The following OSTM1 variants were observed in gnomAD, a reference collection of about 807,000 sequenced individuals.
The protein encoded by OSTM1 is osteopetrosis-associated transmembrane protein 1.
In OSTM1, 26 loss-of-function variants were observed where a neutral mutation model predicts 35.4. That is an observed-to-expected ratio of 0.73 (90% CI 0.54 to 1.02). OSTM1 has a LOEUF of 1.02. Ranked by LOEUF, OSTM1 falls within the 50% of genes least tolerant of loss-of-function variation. OSTM1 has a pLI of 0.00. For synonymous variants in OSTM1, 181 were observed against 165.0 expected, an observed-to-expected ratio of 1.10 and a Z score of -0.75; for missense variants, 366 against 409.6, an observed-to-expected ratio of 0.89 and a Z score of 0.92.
intron 3 of OSTM1, among the ~76,000 whole-genome samples, chr6:108,053,306 A>C (rs913873846): frequency 1.3e-5 from 2 of 152,216 alleles, no homozygotes; most frequent in Non-Finnish European, 2.9e-5. Context: ...CAGGTAACTG[A>C]AACTGTGGAA....
chr6:108,074,595 C>T lies in OSTM1; in HGVS notation c.57G>A (p.Pro19=). 2 of 1,564,432 alleles carry T rather than the reference C, an allele frequency of 1.3e-6. No individual in the cohort carries two copies. Among genetic ancestry groups the T allele is most frequent in the Admixed American group, 1.8e-5 (1 of 54,814 alleles). The part of the protein sequence containing the change: ...QRRCSLPPWL[P]LGLLLWSGLA... ...GCCCCGACCACAGCAGCAGCCCCAG[C>T]GGCAGCCACGGCGGCAACGAACACC... is the stretch of plus-strand genomic sequence containing the variant. The change falls in exon 1 of 6, where the codon CCG becomes CCA. Residue 19 remains proline (P), a synonymous_variant. Transcript: ENST00000193322.
intron 5 of OSTM1, among the ~76,000 whole-genome samples, 192 bp downstream of exon 5, chr6:108,049,060 CT>C: frequency 6.6e-6 from 1 of 152,112 alleles, no homozygotes; most frequent in Admixed American, 6.6e-5. Context: ...CCTGTTTTAA[CT>C]TTTTATTGTC....
intron 4 of OSTM1, among the ~76,000 whole-genome samples, chr6:108,050,647 C>T (rs1028384984): frequency 6.6e-6 from 1 of 152,128 alleles, no homozygotes; most frequent in Non-Finnish European, 1.5e-5. Flanking sequence ...CAGGTGTAGT[C>T]ACCGTGCCCA....
intron 5 of OSTM1, among the ~76,000 whole-genome samples, chr6:108,047,177 G>T (rs953899000): frequency 3.9e-5 from 6 of 152,230 alleles, no homozygotes; most frequent in Admixed American, 6.5e-5. Context: ...CAAATGGAGA[G>T]GTGTATTCTT....
intron 4 of OSTM1, among the ~76,000 whole-genome samples, chr6:108,050,012 T>G (rs1309512718): frequency 3.3e-5 from 5 of 152,168 alleles, no homozygotes; most frequent in Non-Finnish European, 5.9e-5. Flanking sequence ...GCCCCAAAAC[T>G]CCAGCATCAT....
In OSTM1 at chr6:108,043,630, G is replaced by A. The variant is rs192232328; in HGVS notation, c.*1155C>T. ...ACTGTGAACAATTCTGAAACGGAGTGTTTTTTCTAAAGGCTAATACAAACA... is the reference window on the plus strand; with the variant it reads ...ACTGTGAACAATTCTGAAACGGAGTATTTTTTCTAAAGGCTAATACAAACA... On this transcript the variant is annotated 3_prime_UTR_variant, in exon 6 of 6. Transcript: ENST00000193322. The A allele has an allele frequency of 1.3e-5, 2 of 152,126 alleles. No homozygotes were observed. Among genetic ancestry groups the A allele is most frequent in the Non-Finnish European group, 2.9e-5 (2 of 68,008 alleles). 9.4% of individuals were successfully genotyped at this position (152,126 alleles called of 1,614,324 possible).
rs183438062 is a variant in OSTM1 at position 108,058,514 on chromosome 6, C to T, written c.518-3927G>A. On this transcript the variant is annotated intron_variant, in intron 2 of 5. Coordinates refer to ENST00000193322, the MANE Select transcript of OSTM1 (RefSeq NM_014028.4). ...TGGGAAAGAAAGGTTTTGGGCCGGG[C>T]GCAGTGGCTCACGCCTGTAATCCCA... Among the ~76,000 whole-genome samples the T allele has an allele frequency of 5.9e-5, 9 of 152,338 alleles. No homozygotes were observed. In the East Asian group the frequency reaches 1.5e-3, roughly 26 times the overall value.
At chr6:108,071,885 T>A (rs1772492667) in intron 1 of OSTM1, among the ~76,000 whole-genome samples, 1 of 152,140 alleles carries the variant, frequency 6.6e-6, no homozygotes, top group African/African-American at 2.4e-5. Context: ...GCTGGTAGAA[T>A]CTGAGGGAAA....
In OSTM1 at chr6:108,057,054, A is replaced by G. The variant is rs549016979; in HGVS notation, c.518-2467T>C. Reference sequence around the variant, plus strand: ...GACCAGCCTGGGCAACATGGTGAAAACCTGTCTCTACAAATAATACAAAAT... The same window carrying G: ...GACCAGCCTGGGCAACATGGTGAAAGCCTGTCTCTACAAATAATACAAAAT... On this transcript the variant is annotated intron_variant, in intron 2 of 5. Transcript: ENST00000193322. Among the ~76,000 whole-genome samples the G allele has an allele frequency of 3.3e-5, 5 of 152,130 alleles. No homozygotes were observed. The East Asian group carries it at 7.7e-4, about 24-fold the overall frequency.
In OSTM1 at chr6:108,058,044, C is replaced by CTTT. The variant is rs761751778; in HGVS notation, c.518-3460_518-3458dup. On this transcript the variant is annotated intron_variant, in intron 2 of 5. Coordinates refer to ENST00000193322, the MANE Select transcript of OSTM1 (RefSeq NM_014028.4). Reference sequence around the variant, plus strand: ...CTCAGGCATCAGCTTAAGAGTCAATCTTTTTTTTTTTTTTTTTTTTTCTGA... The same window carrying CTTT: ...CTCAGGCATCAGCTTAAGAGTCAATCTTTTTTTTTTTTTTTTTTTTTTTTCTGA... 8.9e-3 allele frequency among the ~76,000 whole-genome samples: 1,085 copies of CTTT among 121,520 alleles called. 16 individuals are homozygous for CTTT. The highest frequency in any genetic ancestry group is 0.022 in the African/African-American group (681 of 31,356). 79.7% of individuals were successfully genotyped at this position (121,520 alleles called of 152,430 possible).
At chr6:108,061,203 A>C (rs1470072486) in intron 2 of OSTM1, among the ~76,000 whole-genome samples, 1 of 152,146 alleles carries the variant, frequency 6.6e-6, no homozygotes, top group Non-Finnish European at 1.5e-5. Flanking sequence ...GTCAGTATTC[A>C]ATATACCATA....
rs139650196 is a variant in OSTM1 at position 108,042,142 on chromosome 6, CT to C, written c.*2642del. 1.9e-3 allele frequency: 289 copies of C among 151,324 alleles called. 2 individuals are homozygous for C. Among genetic ancestry groups the C allele is most frequent in the African/African-American group, 6.7e-3 (278 of 41,300 alleles). 9.4% of individuals were successfully genotyped at this position (151,324 alleles called of 1,614,324 possible). A position where few individuals can be genotyped will look rare whatever the true frequency, so the allele number is the denominator to read the frequency against. ...GACTCTGGGCTACACTTTAAAATATCTGATGTTCAGCCAGGTGTGGTGCTTA... is the reference window on the plus strand; with the variant it reads ...GACTCTGGGCTACACTTTAAAATATCGATGTTCAGCCAGGTGTGGTGCTTA... On this transcript the variant is annotated 3_prime_UTR_variant, in exon 6 of 6. Transcript: ENST00000193322.
At chr6:108,065,790 A>G (rs1006920850) in intron 1 of OSTM1, among the ~76,000 whole-genome samples, 7 of 152,306 alleles carry the variant, frequency 4.6e-5, no homozygotes, top group African/African-American at 1.2e-4. Flanking sequence ...GTTTAGTTGG[A>G]TAAGTGTCAT....
chr6:108,073,415 A>C (rs922589331), intron 1 of OSTM1, among the ~76,000 whole-genome samples: 1 of 152,186 alleles, frequency 6.6e-6, no homozygotes, highest in African/African-American at 2.4e-5. Flanking sequence ...TAGGAGCAGG[A>C]ATTGTCTGTT....
chr6:108,066,463 A>G (rs1772378723), intron 1 of OSTM1, among the ~76,000 whole-genome samples: 1 of 152,210 alleles, frequency 6.6e-6, no homozygotes, highest in Admixed American at 6.5e-5. Context: ...GAGAAGGAAG[A>G]ATTGGAGAGA....
intron 1 of OSTM1, among the ~76,000 whole-genome samples, chr6:108,065,115 T>A (rs1772354036): frequency 6.6e-6 from 1 of 151,936 alleles, no homozygotes; most frequent in Non-Finnish European, 1.5e-5. Context: ...CACCTCGGCC[T>A]CCCAAAGTGC....
At chr6:108,048,749 CTTTTTTT>C (rs575605197) in intron 5 of OSTM1, among the ~76,000 whole-genome samples, 5 of 111,778 alleles carry the variant, frequency 4.5e-5, no homozygotes, top group Admixed American at 1.9e-4. Flanking sequence ...TGTGTTTTAA[CTTTTTTT>C]TTTTTTTTTT....
At chr6:108,048,425 T>C (rs923686437) in intron 5 of OSTM1, among the ~76,000 whole-genome samples, 2 of 152,246 alleles carry the variant, frequency 1.3e-5, no homozygotes, top group African/African-American at 2.4e-5. Context: ...GTGCTTCTTT[T>C]GCTCTGGCCT....
rs1448805571 is a variant in OSTM1, at chr6:108,074,510, A to C, written c.142T>G (p.Ser48Ala). The change falls in exon 1 of 6, where the codon TCG becomes GCG. Residue 48 changes from serine (S) to alanine (A), a missense_variant. Ser to Ala is a moderately conservative substitution (Grantham distance 99). This residue lies in a region of OSTM1 where 236 missense variants were observed against 239.3 expected (regional missense o/e 0.99). Transcript: ENST00000193322. ...TCCACCTCCAGCAACTGCTGCTCCG[A>C]CAGGAGGTCGTGGAAGACCCTGTGC... ...SPHRVFHDLL[S>A]EQQLLEVEDL... is the part of the protein sequence containing the mutation. 2.6e-6 allele frequency: 4 copies of C among 1,558,722 alleles called. No homozygotes were observed. Among genetic ancestry groups the C allele is most frequent in the African/African-American group, 1.4e-5 (1 of 73,382 alleles).
Sources: allele counts gnomAD v4.1 joint callset (sites outside exome capture counted in the v4.1 genomes callset), GRCh38; gene constraint gnomAD v4.1.1; regional missense constraint gnomAD v4.1.1; transcripts MANE v1.5; gene names NCBI Gene and HGNC (gene_info 2026-07-23, HGNC 2026-07-21).